The following ZNF717 variants were observed in gnomAD, a reference collection of about 807,000 sequenced individuals.
The protein encoded by ZNF717 is zinc finger protein 717, also known as krueppel-like factor X17.
ZNF717 carries 9 observed loss-of-function variants against 13.8 expected under a neutral mutation model. That is an observed-to-expected ratio of 0.65 (90% CI 0.39 to 1.14). The LOEUF (loss-of-function observed/expected upper bound fraction) is 1.14. Among genes scored for constraint, ZNF717 ranks in the 50% most tolerant of loss-of-function variants. ZNF717 has a pLI of 0.01. For missense variants in ZNF717, 1,040 were observed against 1,080.7 expected, an observed-to-expected ratio of 0.96 and a Z score of 0.53; for synonymous variants, 327 against 364.1, an observed-to-expected ratio of 0.90 and a Z score of 1.16.
intron 2 of ZNF717, among the ~76,000 whole-genome samples, chr3:75,742,460 T>A (rs1257605841): frequency 2.0e-5 from 3 of 152,172 alleles, no homozygotes; most frequent in African/African-American, 7.2e-5. Context: ...CAGACTAAGA[T>A]AAGAGAAGGA....
Position 75,717,955 on chromosome 3 carries a change from G to A in ZNF717, n.545-1414C>T, listed in dbSNP as rs75842212. Among the ~76,000 whole-genome samples the A allele has an allele frequency of 6.7e-3, 1,027 of 152,282 alleles. 9 individuals carry two copies. Among genetic ancestry groups the A allele is most frequent in the African/African-American group, 0.023 (962 of 41,558 alleles). ...ACTTAAGACAAAGATTTCAGTGCAC[G>A]TAGTTTATTTGGGACTTGATCCCAA... On this transcript the variant is annotated intron_variant and non_coding_transcript_variant, in intron 4 of 5. Transcript: ENST00000491507.
downstream of ZNF717, among the ~76,000 whole-genome samples, chr3:75,708,699 AAAG>A (rs1937862201): frequency 6.6e-6 from 1 of 152,206 alleles, no homozygotes; most frequent in South Asian, 2.1e-4. Flanking sequence ...AACCAATGGC[AAAG>A]AAGTTAAAAA....
chr3:75,757,178 A>AT (rs1031314101), intron 2 of ZNF717, among the ~76,000 whole-genome samples: 8 of 152,232 alleles, frequency 5.3e-5, no homozygotes, highest in Non-Finnish European at 1.2e-4. Flanking sequence ...CACTAAATAG[A>AT]TTTTCAATGG....
At chr3:75,741,801 T>C (rs1397408896) in intron 2 of ZNF717, 65 bp from the exon 3 acceptor site, 6 of 1,533,818 alleles carry the variant, frequency 3.9e-6, no homozygotes, top group Admixed American at 2.3e-5. Flanking sequence ...CCTCTAAGCA[T>C]CATCCACGTC....
At chr3:75,770,547 C>A (rs60155415) in intron 2 of ZNF717, among the ~76,000 whole-genome samples, 1 of 151,790 alleles carries the variant, frequency 6.6e-6, no homozygotes, top group African/African-American at 2.4e-5. Flanking sequence ...GCAACAAGAG[C>A]GAAACTCTGT....
downstream of ZNF717, among the ~76,000 whole-genome samples, chr3:75,728,006 G>A (rs1294775380): frequency 1.3e-5 from 2 of 152,182 alleles, no homozygotes; most frequent in Admixed American, 1.3e-4. Context: ...TTGGGGGCTG[G>A]TTCCCCCAAT....
At chr3:75,742,190 GC>G (rs1940552349) in intron 2 of ZNF717, among the ~76,000 whole-genome samples, 1 of 45,080 alleles carries the variant, frequency 2.2e-5, no homozygotes, top group Non-Finnish European at 7.5e-5. Context: ...TAGGCATAAT[GC>G]TGCATGCCTG....
chr3:75,750,774 T>C (rs1372747900), intron 2 of ZNF717, among the ~76,000 whole-genome samples: 8 of 151,372 alleles, frequency 5.3e-5, no homozygotes, highest in Admixed American at 1.3e-4. Flanking sequence ...ACTCCCCTCC[T>C]GTGGTCTGAA....
intron 2 of ZNF717, among the ~76,000 whole-genome samples, chr3:75,767,819 A>G (rs1943601275): frequency 6.6e-6 from 1 of 152,174 alleles, no homozygotes; most frequent in Admixed American, 6.5e-5. Flanking sequence ...TTCAGTTTTC[A>G]GACAGAATTT....
intron 2 of ZNF717, among the ~76,000 whole-genome samples, chr3:75,744,531 T>A (rs1288151396): frequency 2.6e-5 from 4 of 152,222 alleles, no homozygotes; most frequent in African/African-American, 9.6e-5. Flanking sequence ...ATGGACTCAC[T>A]ACTGAAACCA....
chr3:75,697,905 G>T (rs1425326053), intron 6 of ZNF717, among the ~76,000 whole-genome samples: 15 of 152,042 alleles, frequency 9.9e-5, no homozygotes, highest in African/African-American at 3.4e-4. Flanking sequence ...ATAGTGATCT[G>T]GACAGTGAAG....
intron 2 of ZNF717, among the ~76,000 whole-genome samples, chr3:75,753,367 T>C (rs1214495318): frequency 2.0e-5 from 2 of 101,440 alleles, no homozygotes; most frequent in South Asian, 3.0e-4. Context: ...CTCCCTCACA[T>C]AGGATTCCAG....
intron 2 of ZNF717, among the ~76,000 whole-genome samples, chr3:75,762,732 G>A (rs1943138555): frequency 6.6e-6 from 1 of 151,990 alleles, no homozygotes; most frequent in Middle Eastern, 3.4e-3. Context: ...GAATCTCCAG[G>A]GCCCATGAAT....
intron 4 of ZNF717, among the ~76,000 whole-genome samples, chr3:75,723,015 C>T (rs1263712899): frequency 9.9e-5 from 15 of 151,812 alleles, no homozygotes; most frequent in Non-Finnish European, 2.1e-4. Flanking sequence ...TTGGCATGGC[C>T]ATTGGGAAAA....
intron 2 of ZNF717, among the ~76,000 whole-genome samples, chr3:75,775,064 C>T (rs1458250129): frequency 6.6e-6 from 1 of 152,150 alleles, no homozygotes; most frequent in Non-Finnish European, 1.5e-5. Flanking sequence ...TGGGTTCAAG[C>T]GATTCTCCTG....
At chr3:75,711,073 T>C (rs1229783862) in exon 6 of ZNF717, 3 of 152,236 alleles carry the variant, frequency 2.0e-5, no homozygotes, top group Admixed American at 6.5e-5. Flanking sequence ...TTTATGCACA[T>C]TCTTAAATAT....
intron 2 of ZNF717, among the ~76,000 whole-genome samples, chr3:75,768,245 G>A (rs1311833403): frequency 2.6e-5 from 4 of 152,110 alleles, no homozygotes; most frequent in Admixed American, 6.5e-5. Flanking sequence ...GGCTGAGTGT[G>A]TGGGTGCAGA....
chr3:75,703,109 T>C (rs1458899789), intron 6 of ZNF717, among the ~76,000 whole-genome samples: 5 of 152,312 alleles, frequency 3.3e-5, no homozygotes, highest in African/African-American at 1.2e-4. Flanking sequence ...TTTGATTTGG[T>C]TTCAATTGTA....
intron 2 of ZNF717, among the ~76,000 whole-genome samples, chr3:75,774,621 T>A (rs1188172555): frequency 7.2e-6 from 1 of 139,098 alleles, no homozygotes; most frequent in South Asian, 2.4e-4. Flanking sequence ...TTTTTTTTTT[T>A]TTTTTTTTTT....
Sources: gnomAD v4.1 joint callset for allele counts (sites outside exome capture counted in the v4.1 genomes callset) on GRCh38, gnomAD v4.1.1 for gene constraint, MANE v1.5 for transcripts, NCBI Gene and HGNC (gene_info 2026-07-23, HGNC 2026-07-21) for gene names.